Variants in MARCHF4 observed in about 807,000 individuals in gnomAD.
MARCHF4 encodes the protein membrane associated ring-CH-type finger 4.
MARCHF4 carries 14 observed loss-of-function variants against 43.9 expected under a neutral mutation model. That is an observed-to-expected ratio of 0.32 (90% CI 0.21 to 0.50). The LOEUF is 0.50. MARCHF4 is among the 20% of genes least tolerant of loss of function. The pLI, the probability that MARCHF4 is intolerant of heterozygous loss-of-function variation, is 0.98. For missense variants in MARCHF4, 468 were observed against 536.7 expected, an observed-to-expected ratio of 0.87 and a Z score of 1.27; for synonymous variants, 226 against 213.3, an observed-to-expected ratio of 1.06 and a Z score of -0.52.
chr2:216,334,606 G>A (rs997304962), intron 1 of MARCHF4, among the ~76,000 whole-genome samples: 2 of 152,014 alleles, frequency 1.3e-5, no homozygotes, highest in Admixed American at 6.6e-5. Context: ...TTGCTTCCTT[G>A]CCCAGCCTGG....
At chr2:216,295,068 G>C (rs1008136889) in intron 1 of MARCHF4, among the ~76,000 whole-genome samples, 3 of 152,124 alleles carry the variant, frequency 2.0e-5, no homozygotes, top group Non-Finnish European at 4.4e-5. Context: ...GCTAGGTATT[G>C]TCCTGAGCAC....
At chr2:216,304,262 G>A (rs1691544005) in intron 1 of MARCHF4, among the ~76,000 whole-genome samples, 1 of 152,198 alleles carries the variant, frequency 6.6e-6, no homozygotes, top group South Asian at 2.1e-4. Context: ...GGGGACATAA[G>A]TATTCTAGGT....
chr2:216,317,696 G>A (rs998475544), intron 1 of MARCHF4, among the ~76,000 whole-genome samples: 6 of 152,310 alleles, frequency 3.9e-5, no homozygotes, highest in African/African-American at 1.2e-4. Flanking sequence ...TTACAGGCAT[G>A]AGCCACCATG....
intron 3 of MARCHF4, among the ~76,000 whole-genome samples, chr2:216,260,766 G>A (rs768353403): frequency 8.5e-5 from 13 of 152,338 alleles, no homozygotes; most frequent in Admixed American, 3.9e-4. Context: ...GGGGAATGAT[G>A]TGATCTGATT....
At chr2:216,307,426 C>A (rs1262143125) in intron 1 of MARCHF4, among the ~76,000 whole-genome samples, 1 of 151,820 alleles carries the variant, frequency 6.6e-6, no homozygotes, top group Non-Finnish European at 1.5e-5. Flanking sequence ...CCTTGCTAGG[C>A]ATTAGTTCTG....
Position 216,320,915 on chromosome 2 carries a change from G to A in MARCHF4, c.517-37186C>T, listed in dbSNP as rs182804575. 1.7e-4 allele frequency among the ~76,000 whole-genome samples: 25 copies of A among 146,546 alleles called. No individual in the cohort carries two copies. In the East Asian group the frequency reaches 4.6e-3, roughly 27 times the overall value. On this transcript the variant is annotated intron_variant, in intron 1 of 3. Coordinates refer to ENST00000273067, the MANE Select transcript of MARCHF4 (RefSeq NM_020814.3). The stretch of plus-strand genomic sequence containing the variant: ...AGTCTGGTCTCGAACTCCTGACCTC[G>A]TGATACACCTGCCTCGGCCTCCCAA...
At chr2:216,368,664 G>T (rs1175768864) in intron 1 of MARCHF4, among the ~76,000 whole-genome samples, 2 of 152,240 alleles carry the variant, frequency 1.3e-5, no homozygotes, top group Non-Finnish European at 2.9e-5. Flanking sequence ...TCCTCAAGGA[G>T]TATCCAGAAA....
chr2:216,371,615 C>G lies in MARCHF4; in HGVS notation c.-1355G>C, dbSNP rs2105990267. The G allele has an allele frequency of 6.6e-6, 1 of 152,516 alleles. No homozygotes were observed. Among genetic ancestry groups the G allele is most frequent in the East Asian group, 1.9e-4 (1 of 5,182 alleles). The allele number at this position is 152,516 out of a possible 1,614,324, so 9.4% of individuals were successfully genotyped here. A position where few individuals can be genotyped will look rare whatever the true frequency, so the allele number is the denominator to read the frequency against. The stretch of plus-strand genomic sequence containing the variant: ...CGGCCTTCATGATCCTCCTCCTCCT[C>G]CCCCTTCCCTGGGGGCCAGCCCTGA... On this transcript the variant is annotated 5_prime_UTR_variant, in exon 1 of 4. Transcript: ENST00000273067.
At chr2:216,294,856 A>T (rs932775289) in intron 1 of MARCHF4, among the ~76,000 whole-genome samples, 1 of 152,242 alleles carries the variant, frequency 6.6e-6, no homozygotes, top group Non-Finnish European at 1.5e-5. Flanking sequence ...CTGAGCACTT[A>T]TCAGGTGCCC....
intron 1 of MARCHF4, among the ~76,000 whole-genome samples, chr2:216,295,913 C>T (rs777151789): frequency 7.2e-5 from 11 of 152,160 alleles, no homozygotes; most frequent in South Asian, 2.1e-4. Context: ...TGTGGGAGGC[C>T]GAGGCAGGTG....
intron 1 of MARCHF4, among the ~76,000 whole-genome samples, chr2:216,324,386 A>T (rs1220377294): frequency 6.7e-6 from 1 of 149,056 alleles, no homozygotes; most frequent in Non-Finnish European, 1.5e-5. Context: ...TACCAGAGGT[A>T]CAAGGAGGAA....
intron 3 of MARCHF4, among the ~76,000 whole-genome samples, chr2:216,273,310 C>T (rs1202242288): frequency 6.6e-6 from 1 of 152,200 alleles, no homozygotes; most frequent in Non-Finnish European, 1.5e-5. Flanking sequence ...AACAAATTGT[C>T]CTTGGTATCT....
chr2:216,353,437 G>A (rs887788376), intron 1 of MARCHF4, among the ~76,000 whole-genome samples: 2 of 152,212 alleles, frequency 1.3e-5, no homozygotes, highest in African/African-American at 4.8e-5. Flanking sequence ...CTCCTGAAAG[G>A]TGCAGATGTA....
At chr2:216,310,100 G>A (rs933448232) in intron 1 of MARCHF4, among the ~76,000 whole-genome samples, 1 of 88 alleles carries the variant, frequency 0.011, no homozygotes, top group Non-Finnish European at 0.031. Flanking sequence ...GCCTAGATGA[G>A]ACCCTGGAGG....
chr2:216,340,826 C>T (rs1376836599), intron 1 of MARCHF4, among the ~76,000 whole-genome samples: 2 of 152,174 alleles, frequency 1.3e-5, no homozygotes, highest in Non-Finnish European at 2.9e-5. Context: ...AGAATAGAGG[C>T]TGGCAGGGCC....
At chr2:216,365,016 G>A (rs1328122071) in intron 1 of MARCHF4, among the ~76,000 whole-genome samples, 2 of 152,214 alleles carry the variant, frequency 1.3e-5, no homozygotes, top group African/African-American at 4.8e-5. Context: ...GCCTGTAAAT[G>A]TTAGGGATGG....
At chr2:216,327,978 AAAAG>A (rs1309139294) in intron 1 of MARCHF4, among the ~76,000 whole-genome samples, 1 of 151,966 alleles carries the variant, frequency 6.6e-6, no homozygotes, top group East Asian at 1.9e-4. Context: ...AAAGAAAAGA[AAAAG>A]AAAGAGAAAA....
At chr2:216,325,712 G>A (rs1691978731) in intron 1 of MARCHF4, among the ~76,000 whole-genome samples, 1 of 151,122 alleles carries the variant, frequency 6.6e-6, no homozygotes, top group South Asian at 2.1e-4. Context: ...AATGGGGAAA[G>A]GATTCCCTAT....
chr2:216,320,893 C>G (rs1320869246), intron 1 of MARCHF4, among the ~76,000 whole-genome samples: 2 of 138,476 alleles, frequency 1.4e-5, no homozygotes, highest in Admixed American at 7.9e-5. Flanking sequence ...GTTGGTCAGT[C>G]TGGTCTCGAA....
Sources: allele counts gnomAD v4.1 joint callset (sites outside exome capture counted in the v4.1 genomes callset), GRCh38; gene constraint gnomAD v4.1.1; transcripts MANE v1.5; gene names NCBI Gene and HGNC (gene_info 2026-07-23, HGNC 2026-07-21).